Variants in NKAIN3 observed in about 807,000 individuals in gnomAD.
The protein encoded by NKAIN3 is sodium/potassium-transporting ATPase subunit beta-1-interacting protein 3.
In NKAIN3, 25 loss-of-function variants were observed where a neutral mutation model predicts 30.2. That is an observed-to-expected ratio of 0.83 (90% CI 0.60 to 1.16). The LOEUF (loss-of-function observed/expected upper bound fraction) is 1.16. Ranked by LOEUF, NKAIN3 falls within the 50% of genes most tolerant of loss-of-function variation. The pLI, the probability that NKAIN3 is intolerant of heterozygous loss-of-function variation, is 0.00. For synonymous variants in NKAIN3, 91 were observed against 89.6 expected, an observed-to-expected ratio of 1.02 and a Z score of -0.09; for missense variants, 225 against 254.1, an observed-to-expected ratio of 0.89 and a Z score of 0.78.
intron 1 of NKAIN3, among the ~76,000 whole-genome samples, chr8:62,349,162 A>C (rs1453032854): frequency 6.6e-6 from 1 of 152,180 alleles, no homozygotes; most frequent in Non-Finnish European, 1.5e-5. Context: ...GCACATCATC[A>C]TGCATCTTCT....
At chr8:62,366,182 G>C (rs1816731582) in intron 1 of NKAIN3, among the ~76,000 whole-genome samples, 1 of 149,386 alleles carries the variant, frequency 6.7e-6, no homozygotes, top group Admixed American at 6.7e-5. Context: ...CTAGTTTGTT[G>C]GAGTATAATT....
At chr8:62,637,333 T>C (rs573381604) in intron 3 of NKAIN3, among the ~76,000 whole-genome samples, 4 of 152,252 alleles carry the variant, frequency 2.6e-5, no homozygotes, top group Non-Finnish European at 2.9e-5. Context: ...CCCATGCAAA[T>C]AAATGAGCTT....
intron 3 of NKAIN3, among the ~76,000 whole-genome samples, chr8:62,608,445 G>T (rs1015481097): frequency 6.6e-6 from 1 of 152,156 alleles, no homozygotes; most frequent in Non-Finnish European, 1.5e-5. Context: ...AAATGTACAT[G>T]AATGGACTAA....
chr8:62,266,121 G>A (rs561648435), intron 1 of NKAIN3, among the ~76,000 whole-genome samples: 2 of 152,258 alleles, frequency 1.3e-5, no homozygotes, highest in East Asian at 3.9e-4. Context: ...ACTCCTCAGA[G>A]GGGAGAAATA....
At chr8:62,656,134 T>G (rs972514261) in intron 3 of NKAIN3, among the ~76,000 whole-genome samples, 1 of 152,104 alleles carries the variant, frequency 6.6e-6, no homozygotes, top group Non-Finnish European at 1.5e-5. Context: ...CATGGAAAGC[T>G]GCAGTACCTT....
At chr8:62,610,347 GAAAAA>G (rs33941316) in intron 3 of NKAIN3, among the ~76,000 whole-genome samples, 1 of 135,426 alleles carries the variant, frequency 7.4e-6, no homozygotes, top group Non-Finnish European at 1.6e-5. Flanking sequence ...CTCCGTCTCA[GAAAAA>G]AAAAAAAAAA....
chr8:62,253,427 A>C (rs2129386856), intron 1 of NKAIN3, among the ~76,000 whole-genome samples: 1 of 152,198 alleles, frequency 6.6e-6, no homozygotes, highest in East Asian at 1.9e-4. Flanking sequence ...AATTTTAGCC[A>C]GGTGTGGTGA....
chr8:62,870,257 T>TAG (rs1563603973), intron 4 of NKAIN3, among the ~76,000 whole-genome samples: 6 of 85,000 alleles, frequency 7.1e-5, no homozygotes, highest in Non-Finnish European at 1.2e-4. Context: ...TATCTATATA[T>TAG]ATATCTATAT....
chr8:62,641,778 A>G (rs1812315139), intron 3 of NKAIN3, among the ~76,000 whole-genome samples: 1 of 152,180 alleles, frequency 6.6e-6, no homozygotes. Context: ...GTGAGAACGA[A>G]TAAATGAAAA....
At chr8:62,907,218 C>T (rs1034309626) in intron 4 of NKAIN3, among the ~76,000 whole-genome samples, 20 of 152,024 alleles carry the variant, frequency 1.3e-4, no homozygotes, top group Admixed American at 9.2e-4. Flanking sequence ...GGGTATCAGA[C>T]GGAAGAAATT....
intron 4 of NKAIN3, among the ~76,000 whole-genome samples, chr8:62,914,149 A>AAT (rs1378228382): frequency 2.6e-5 from 4 of 152,336 alleles, no homozygotes; most frequent in African/African-American, 9.6e-5. Flanking sequence ...TACTCCATGG[A>AAT]ATACTATGCA....
At chr8:62,619,334 A>C (rs974411610) in intron 3 of NKAIN3, among the ~76,000 whole-genome samples, 6 of 152,206 alleles carry the variant, frequency 3.9e-5, no homozygotes, top group African/African-American at 1.4e-4. Context: ...TTTACAGTCT[A>C]TTCTCTCTGA....
intron 1 of NKAIN3, among the ~76,000 whole-genome samples, chr8:62,400,111 C>A (rs1440734181): frequency 4.0e-5 from 6 of 150,282 alleles, no homozygotes; most frequent in African/African-American, 1.5e-4. Context: ...CAAGAGATCA[C>A]AATTCAGGCT....
chr8:62,270,241 A>C (rs1409290595), intron 1 of NKAIN3, among the ~76,000 whole-genome samples: 1 of 151,900 alleles, frequency 6.6e-6, no homozygotes, highest in East Asian at 1.9e-4. Flanking sequence ...GACCACAACC[A>C]ACAAAGTTTT....
chr8:62,518,119 G>T (rs542395790), intron 1 of NKAIN3, among the ~76,000 whole-genome samples: 5 of 152,194 alleles, frequency 3.3e-5, no homozygotes, highest in Middle Eastern at 3.4e-3. Flanking sequence ...CCAGTGCTTT[G>T]GAAGGCCAAG....
chr8:62,535,055 G>A (rs28713340), intron 1 of NKAIN3, among the ~76,000 whole-genome samples: 5,035 of 152,146 alleles, frequency 0.033, 233 homozygotes, highest in African/African-American at 0.11. Flanking sequence ...TGGAATTGGA[G>A]TGTCTTTATG....
chr8:62,321,398 A>AAGGTGCTCTGATTTT (rs1208027431), intron 1 of NKAIN3, among the ~76,000 whole-genome samples: 1 of 152,138 alleles, frequency 6.6e-6, no homozygotes, highest in Non-Finnish European at 1.5e-5. Context: ...TGCAGGAGGA[A>AAGGTGCTCTGATTTT]AGGTGCTCTG....
chr8:62,854,223 T>C (rs1260039979), intron 4 of NKAIN3, among the ~76,000 whole-genome samples: 1 of 152,184 alleles, frequency 6.6e-6, no homozygotes, highest in Non-Finnish European at 1.5e-5. Flanking sequence ...GTCAACTTGA[T>C]CCAGAGCTGA....
intron 3 of NKAIN3, among the ~76,000 whole-genome samples, chr8:62,731,234 GACACACACACAC>G (rs67571816): frequency 3.5e-5 from 5 of 143,648 alleles, no homozygotes; most frequent in African/African-American, 1.0e-4. Flanking sequence ...GGGATCACAG[GACACACACACAC>G]ACACACACAC....
Sources: gnomAD v4.1 joint callset for allele counts (sites outside exome capture counted in the v4.1 genomes callset) on GRCh38, gnomAD v4.1.1 for gene constraint, MANE v1.5 for transcripts, NCBI Gene and HGNC (gene_info 2026-07-23, HGNC 2026-07-21) for gene names.